Variants in UACA observed in about 807,000 individuals in gnomAD.
The protein encoded by UACA is uveal autoantigen with coiled-coil domains and ankyrin repeats, also known as nuclear membrane binding protein.
UACA carries 112 observed loss-of-function variants against 160.5 expected under a neutral mutation model. That is an observed-to-expected ratio of 0.70 (90% CI 0.60 to 0.82). The LOEUF (loss-of-function observed/expected upper bound fraction) is 0.82, where lower values mean the gene tolerates loss of function less well. UACA is among the 40% of genes least tolerant of loss of function. The pLI is 0.00. For missense variants in UACA, 1,574 were observed against 1,614.6 expected (o/e 0.97, Z 0.43); for synonymous variants, 557 against 568.4 (o/e 0.98, Z 0.29).
At chr15:70,676,688 A>G in intron 12 of UACA, 97 bp from the exon 13 acceptor site, 1 of 947,340 alleles carries the variant, frequency 1.1e-6, no homozygotes, top group Non-Finnish European at 1.6e-6. Context: ...TGCATTGAGG[A>G]CTGGAGTTAA....
rs144149272 is a variant in UACA at position 70,668,226 on chromosome 15, T to C, written c.2458A>G (p.Ile820Val). ...GACAGCTGTTTCTTAAGTTCAACAA[T>C]ATTGGATTTCAGAGCTATTATCTCT... ...EKEIIALKSN[I>V]VELKKQLSEL... Residue 820 changes from isoleucine (I) to valine (V), a missense_variant, in exon 16 of 19, where the codon ATT becomes GTT. Coordinates refer to ENST00000322954, the MANE Select transcript of UACA (RefSeq NM_018003.4). 1.3e-3 allele frequency: 2,086 copies of C among 1,613,162 alleles called. 19 individuals carry two copies. The African/African-American group carries it at 0.023, about 18-fold the overall frequency.
At position 70,684,166 on chromosome 15, in the gene UACA, T is replaced by A. The variant is rs1367834392; in HGVS notation, c.784+99A>T. 3 of 1,011,576 alleles carry A rather than the reference T, an allele frequency of 3.0e-6. No homozygotes were observed. In the African/African-American group the frequency reaches 4.9e-5, roughly 16 times the overall value. 62.7% of individuals were successfully genotyped at this position (1,011,576 alleles called of 1,614,324 possible). ...ACCAATACTGTTTATCAGTAAGGAA[T>A]GTTTTGCTTCTTATAAACTGTAGTT... is the stretch of plus-strand genomic sequence containing the variant. On this transcript the variant is annotated intron_variant, in intron 8 of 18. Transcript: ENST00000322954.
rs1898251333 is a variant in UACA at position 70,699,458 on chromosome 15, A to T, written c.212+69T>A. ...AAGTAAGTTGATAACTACAATTCAC[A>T]AGTTTCATTTGTATCCCAAGACTAT... On this transcript the variant is annotated intron_variant, in intron 2 of 18. Transcript: ENST00000322954. 1.0e-5 allele frequency: 16 copies of T among 1,537,276 alleles called. No homozygotes were observed. In the East Asian group the frequency reaches 3.6e-4, roughly 35 times the overall value.
At chr15:70,768,391 G>A (rs1439179972), upstream of UACA, 2 of 152,132 alleles carry the variant, frequency 1.3e-5, no homozygotes, top group Non-Finnish European at 2.9e-5. Context: ...AAAACAGGAA[G>A]GATCATGGTC....
At chr15:70,676,386 A>G in intron 13 of UACA, 107 bp downstream of exon 13, 1 of 849,376 alleles carries the variant, frequency 1.2e-6, no homozygotes. Context: ...TAAGCAGCCC[A>G]AGGTCACACT....
At chr15:70,728,118 C>A (rs946622417) in intron 1 of UACA, among the ~76,000 whole-genome samples, 3 of 152,116 alleles carry the variant, frequency 2.0e-5, no homozygotes, top group Non-Finnish European at 2.9e-5. Context: ...CAAAAATAAG[C>A]AACAGGGAAA....
At chr15:70,680,137 A>C (rs1221954787) in intron 9 of UACA, 2 of 152,920 alleles carry the variant, frequency 1.3e-5, no homozygotes, top group East Asian at 3.8e-4. Flanking sequence ...AAATATCAAG[A>C]GGTATGGTAA....
chr15:70,740,532 G>A (rs370092404), intron 1 of UACA, among the ~76,000 whole-genome samples: 15 of 151,516 alleles, frequency 9.9e-5, no homozygotes, highest in East Asian at 5.8e-4. Flanking sequence ...AGCTACACGG[G>A]AGGCTGAGGC....
intron 1 of UACA, among the ~76,000 whole-genome samples, chr15:70,709,181 A>G (rs896820343): frequency 6.6e-6 from 1 of 152,212 alleles, no homozygotes; most frequent in Non-Finnish European, 1.5e-5. Flanking sequence ...GCCTTCTAAA[A>G]AGAAGCAGTA....
chr15:70,718,328 G>A (rs185831525), intron 1 of UACA, among the ~76,000 whole-genome samples: 9 of 94,362 alleles, frequency 9.5e-5, no homozygotes, highest in Admixed American at 7.7e-4. Context: ...GAGAGAATGT[G>A]TGTGTGTGTG....
chr15:70,736,115 A>G (rs905641566), intron 1 of UACA, among the ~76,000 whole-genome samples: 6 of 152,224 alleles, frequency 3.9e-5, no homozygotes, highest in African/African-American at 1.4e-4. Context: ...TCTTTAAGGG[A>G]AACACCTCTG....
chr15:70,695,296 C>G (rs1165033211), intron 2 of UACA, among the ~76,000 whole-genome samples, 191 bp from the exon 3 acceptor site: 3 of 151,880 alleles, frequency 2.0e-5, no homozygotes, highest in Non-Finnish European at 4.4e-5. Context: ...CATAAGGGGC[C>G]AATACTTTCT....
chr15:70,702,992 G>T, intron 1 of UACA: 1 of 669,698 alleles, frequency 1.5e-6, no homozygotes, highest in Non-Finnish European at 2.1e-6. Context: ...TTCACTGGAT[G>T]AAAAAAAAAA....
chr15:70,667,213 C>T lies in UACA; in HGVS notation c.3471G>A (p.Glu1157=). Residue 1157 remains glutamate, a synonymous_variant, in exon 16 of 19, where the codon GAG becomes GAA. Coordinates refer to ENST00000322954, the MANE Select transcript of UACA (RefSeq NM_018003.4). Reference sequence around the variant, plus strand: ...GGGGTACAGAAGAGTTCTTTTGATTCTCCAACAATTGATGCAGTTTGGTCA... The same window carrying T: ...GGGGTACAGAAGAGTTCTTTTGATTTTCCAACAATTGATGCAGTTTGGTCA... ...QTVTKLHQLL[E]NQKNSSVPLA... The T allele has an allele frequency of 1.9e-6, 3 of 1,613,906 alleles. No homozygotes were observed. Among genetic ancestry groups the T allele is most frequent in the Non-Finnish European group, 2.5e-6 (3 of 1,179,966 alleles).
chr15:70,679,869 T>C (rs967320655), intron 9 of UACA, 193 bp from the exon 10 acceptor site: 8 of 335,614 alleles, frequency 2.4e-5, no homozygotes, highest in Middle Eastern at 8.1e-4. Context: ...TTTAAATAAA[T>C]CAAGTATAAC....
chr15:70,668,690 C>T lies in UACA; in HGVS notation c.1994G>A (p.Arg665Lys). 1 of 1,614,016 alleles carries T rather than the reference C, an allele frequency of 6.2e-7. No homozygotes were observed. The highest frequency in any genetic ancestry group is 8.5e-7 in the Non-Finnish European group (1 of 1,179,994). Reference sequence around the variant, plus strand: ...ATTCTCAAGTTCTCTCTTTAACTGTCTAATTTCACTAAGTGATTTTTCATG... The same window carrying T: ...ATTCTCAAGTTCTCTCTTTAACTGTTTAATTTCACTAAGTGATTTTTCATG... The part of the protein sequence containing the change: ...REHEKSLSEI[R>K]QLKRELENVK... The change falls in exon 16 of 19, where the codon AGA (arginine) becomes AAA (lysine). Residue 665 changes from arginine to lysine, a missense_variant. Transcript: ENST00000322954.
chr15:70,717,476 G>A (rs1898855449), intron 1 of UACA, among the ~76,000 whole-genome samples: 1 of 152,154 alleles, frequency 6.6e-6, no homozygotes, highest in African/African-American at 2.4e-5. Context: ...AACAGCCATA[G>A]GCAATATGTA....
intron 1 of UACA, among the ~76,000 whole-genome samples, chr15:70,705,397 A>G (rs1220426225): frequency 6.6e-6 from 1 of 152,004 alleles, no homozygotes; most frequent in Non-Finnish European, 1.5e-5. Context: ...TTAGCCAGGC[A>G]TGGTGATGCA....
rs1375990005 is a variant in UACA at position 70,668,570 on chromosome 15, ATCT to A, written c.2111_2113del (p.Lys704del). 1 of 1,612,598 alleles carries A rather than the reference ATCT, an allele frequency of 6.2e-7. No homozygotes were observed. The highest frequency in any genetic ancestry group is 8.5e-7 in the Non-Finnish European group (1 of 1,179,836). On this transcript the variant is annotated inframe_deletion, in exon 16 of 19. Transcript: ENST00000322954. ...CTGATTTTTCAATGTTAACTCAGTG[ATCT>A]TCTTCCCAAGTTCTCCTGATTTCTG... is the stretch of plus-strand genomic sequence containing the variant.
Sources: gnomAD v4.1 joint callset for allele counts (sites outside exome capture counted in the v4.1 genomes callset) on GRCh38, gnomAD v4.1.1 for gene constraint, MANE v1.5 for transcripts, NCBI Gene and HGNC (gene_info 2026-07-23, HGNC 2026-07-21) for gene names.